Variants in DLG2 observed in about 807,000 individuals in gnomAD.
DLG2 encodes disks large homolog 2.
A neutral mutation model predicts 132.5 loss-of-function variants in DLG2; 45 were observed. That is an observed-to-expected ratio of 0.34 (90% confidence interval 0.27 to 0.44). The LOEUF (loss-of-function observed/expected upper bound fraction) is 0.44, where lower values mean the gene tolerates loss of function less well. Among genes scored for constraint, DLG2 ranks in the 20% least tolerant of loss-of-function variants. The pLI is 1.00. For missense variants in DLG2, 1,045 were observed against 1,196.9 expected, an observed-to-expected ratio of 0.87 and a Z score of 1.87; for synonymous variants, 424 against 419.6, an observed-to-expected ratio of 1.01 and a Z score of -0.13.
At chr11:85,060,808 G>T (rs2064033091) in intron 6 of DLG2, among the ~76,000 whole-genome samples, 1 of 151,082 alleles carries the variant, frequency 6.6e-6, no homozygotes, top group Admixed American at 6.6e-5. Flanking sequence ...AGTGTATAAG[G>T]GTTCTAATTT....
chr11:84,422,111 T>C (rs1182577507), intron 7 of DLG2, among the ~76,000 whole-genome samples: 1 of 152,204 alleles, frequency 6.6e-6, no homozygotes, highest in African/African-American at 2.4e-5. Context: ...TTGAGGAAGG[T>C]ACTTGGGCAA....
At chr11:85,144,627 A>T (rs79411461) in intron 5 of DLG2, among the ~76,000 whole-genome samples, 5,591 of 151,974 alleles carry the variant, frequency 0.037, 138 homozygotes, top group African/African-American at 0.062. Context: ...GCTTGCAAAT[A>T]ATATCTTGTA....
Position 84,172,977 on chromosome 11 carries a change from G to GT in DLG2, c.574-9467dup, listed in dbSNP as rs555711423. Among the ~76,000 whole-genome samples the GT allele has an allele frequency of 7.6e-3, 1,149 of 151,438 alleles. 7 individuals carry two copies. Among genetic ancestry groups the GT allele is most frequent in the Non-Finnish European group, 0.013 (884 of 67,858 alleles). On this transcript the variant is annotated intron_variant, in intron 8 of 27. Transcript: ENST00000376104. ...TTAAAATTTTAATTAGAAAGCACAC[G>GT]TTTTTTTGTAATTAGCGGCTTTTTA...
chr11:85,579,902 G>A (rs1024384223), intron 3 of DLG2, among the ~76,000 whole-genome samples: 2 of 152,154 alleles, frequency 1.3e-5, no homozygotes, highest in Non-Finnish European at 2.9e-5. Context: ...AGAAATAGGA[G>A]AGAAGCCTGA....
intron 3 of DLG2, among the ~76,000 whole-genome samples, chr11:85,552,056 G>A (rs1009336522): frequency 5.0e-5 from 7 of 140,874 alleles, no homozygotes; most frequent in African/African-American, 1.8e-4. Context: ...CCTTTCACTG[G>A]AACCTGAAAG....
chr11:83,553,706 G>A (rs1183355206), intron 19 of DLG2, among the ~76,000 whole-genome samples: 2 of 152,014 alleles, frequency 1.3e-5, no homozygotes, highest in Non-Finnish European at 2.9e-5. Context: ...ACCCAGTAAG[G>A]TTCTGTTCAG....
chr11:83,866,483 C>A (rs2154056581), intron 16 of DLG2, among the ~76,000 whole-genome samples: 1 of 152,210 alleles, frequency 6.6e-6, no homozygotes, highest in African/African-American at 2.4e-5. Flanking sequence ...AGTGACATCT[C>A]AGTCAATGTC....
At chr11:84,253,099 A>G (rs1395077059) in intron 7 of DLG2, among the ~76,000 whole-genome samples, 2 of 152,178 alleles carry the variant, frequency 1.3e-5, no homozygotes, top group East Asian at 3.9e-4. Context: ...TAATATTTTC[A>G]TGATTCTCAA....
intron 7 of DLG2, chr11:84,316,817 A>G: frequency 6.3e-7 from 1 of 1,598,332 alleles, no homozygotes; most frequent in Admixed American, 1.7e-5. Flanking sequence ...CATAAGGAAA[A>G]GGCTCACCTG....
intron 6 of DLG2, among the ~76,000 whole-genome samples, chr11:84,598,215 C>A (rs538936737): frequency 6.6e-6 from 1 of 152,108 alleles, no homozygotes; most frequent in African/African-American, 2.4e-5. Context: ...AAGGACTAAG[C>A]CCTTTGCTCA....
At chr11:84,921,254 G>C (rs774597258) in intron 6 of DLG2, among the ~76,000 whole-genome samples, 3 of 152,034 alleles carry the variant, frequency 2.0e-5, no homozygotes, top group Non-Finnish European at 4.4e-5. Flanking sequence ...ATTATCTAAG[G>C]AAGTGCAAGA....
At chr11:83,861,128 G>A (rs926219821) in intron 16 of DLG2, among the ~76,000 whole-genome samples, 1 of 152,122 alleles carries the variant, frequency 6.6e-6, no homozygotes, top group Non-Finnish European at 1.5e-5. Context: ...ATATGAAAAG[G>A]TGCTTAACAT....
At chr11:83,856,714 A>G (rs1040766341) in intron 16 of DLG2, among the ~76,000 whole-genome samples, 1 of 151,974 alleles carries the variant, frequency 6.6e-6, no homozygotes, top group Non-Finnish European at 1.5e-5. Flanking sequence ...TAAGTTTCTT[A>G]AAGGATATTT....
chr11:83,863,750 G>A (rs1001922627), intron 16 of DLG2, among the ~76,000 whole-genome samples: 1 of 152,098 alleles, frequency 6.6e-6, no homozygotes, highest in African/African-American at 2.4e-5. Flanking sequence ...ACAGCTCAAG[G>A]TGATAAGACT....
At chr11:84,847,477 A>G (rs944627859) in intron 6 of DLG2, among the ~76,000 whole-genome samples, 8 of 152,158 alleles carry the variant, frequency 5.3e-5, no homozygotes, top group Admixed American at 2.0e-4. Context: ...TACAATAAAT[A>G]CCAATAGCTA....
intron 6 of DLG2, among the ~76,000 whole-genome samples, chr11:84,688,535 T>C (rs1051799293): frequency 4.6e-5 from 7 of 152,210 alleles, no homozygotes; most frequent in African/African-American, 1.7e-4. Context: ...AGTACTGCTT[T>C]AGGCATTGGA....
chr11:84,793,998 T>C (rs539458049), intron 6 of DLG2, among the ~76,000 whole-genome samples: 1 of 152,324 alleles, frequency 6.6e-6, no homozygotes, highest in South Asian at 2.1e-4. Context: ...TCTGCCTTCC[T>C]TGTAGTGAAA....
At chr11:85,256,988 C>T (rs749505703) in intron 4 of DLG2, among the ~76,000 whole-genome samples, 5 of 151,984 alleles carry the variant, frequency 3.3e-5, no homozygotes, top group South Asian at 2.1e-4. Flanking sequence ...TTTTAAAATG[C>T]ATGACAATGA....
intron 3 of DLG2, among the ~76,000 whole-genome samples, chr11:85,487,411 C>A (rs1379599278): frequency 2.9e-5 from 4 of 139,404 alleles, no homozygotes; most frequent in Admixed American, 1.4e-4. Flanking sequence ...CAAAATAATA[C>A]CAAAAAATTA....
Sources: allele counts gnomAD v4.1 joint callset (sites outside exome capture counted in the v4.1 genomes callset), GRCh38; gene constraint gnomAD v4.1.1; transcripts MANE v1.5; gene names NCBI Gene and HGNC (gene_info 2026-07-23, HGNC 2026-07-21).